Variants in IL1RAPL1 observed in about 807,000 individuals in gnomAD.
The protein encoded by IL1RAPL1 is interleukin 1 receptor accessory protein like 1, also known as interleukin-1 receptor accessory protein-like 1.
Under a neutral mutation model 48.4 loss-of-function variants are expected in IL1RAPL1, and 3 were observed. The ratio of observed to expected loss-of-function variants is 0.06; its 90% CI spans 0.03 to 0.16. The LOEUF (loss-of-function observed/expected upper bound fraction) is 0.16, where lower values mean the gene tolerates loss of function less well. IL1RAPL1 is among the 10% of genes least tolerant of loss of function. The probability of loss-of-function intolerance (pLI) is 1.00; values close to 1 mark genes in which losing one functional copy is unlikely to be tolerated. For synonymous variants in IL1RAPL1, 185 were observed against 187.7 expected, an observed-to-expected ratio of 0.99 and a Z score of 0.12; for missense variants, 349 against 530.6, an observed-to-expected ratio of 0.66 and a Z score of 3.36.
intron 6 of IL1RAPL1, among the ~76,000 whole-genome samples, chrX:29,793,993 G>A (rs1344817900): frequency 8.9e-6 from 1 of 112,140 alleles, no homozygotes; most frequent in South Asian, 3.7e-4. Context: ...GTCTGTGTGT[G>A]TGTATTTTGA....
At chrX:29,605,120 AC>A (rs1569125200) in intron 5 of IL1RAPL1, among the ~76,000 whole-genome samples, 357 of 93,171 alleles carry the variant, frequency 3.8e-3, no homozygotes, top group African/African-American at 0.014. Flanking sequence ...ACACACACAC[AC>A]ACACACGGAG....
At chrX:29,462,520 C>T (rs1375115887) in intron 5 of IL1RAPL1, among the ~76,000 whole-genome samples, 1 of 111,389 alleles carries the variant, frequency 9.0e-6, no homozygotes, top group Non-Finnish European at 1.9e-5. Context: ...ATTATTCCTC[C>T]TGTTTGTAGA....
At chrX:28,730,507 A>G (rs1408869142) in intron 1 of IL1RAPL1, among the ~76,000 whole-genome samples, 1 of 111,963 alleles carries the variant, frequency 8.9e-6, no homozygotes, top group Non-Finnish European at 1.9e-5. Flanking sequence ...CAATAAATGT[A>G]TGCTGAAAAA....
At chrX:28,830,404 C>A (rs919817198) in intron 2 of IL1RAPL1, among the ~76,000 whole-genome samples, 1 of 111,669 alleles carries the variant, frequency 9.0e-6, no homozygotes, top group African/African-American at 3.3e-5. Context: ...ATTCTTTCTT[C>A]TTCCAGCTCA....
intron 2 of IL1RAPL1, among the ~76,000 whole-genome samples, chrX:28,814,570 G>T (rs888142931): frequency 1.8e-5 from 2 of 110,105 alleles, no homozygotes; most frequent in African/African-American, 6.6e-5. Context: ...GAATATTCAT[G>T]TTTAAGGTGG....
At position 28,710,528 on chromosome X, in the gene IL1RAPL1, G is replaced by A. The variant is rs761979723; in HGVS notation, c.-24-78792G>A. On this transcript the variant is annotated intron_variant, in intron 1 of 10. Coordinates refer to ENST00000378993, the MANE Select transcript of IL1RAPL1 (RefSeq NM_014271.4). ...TGTTCAAAGAACACCAAGAAAAATG[G>A]TATGGCTGGTGTGGGAGAAGTGAGG... 1.5e-4 allele frequency among the ~76,000 whole-genome samples: 17 copies of A among 110,165 alleles called. No homozygotes were observed. In the South Asian group the frequency reaches 6.0e-3, roughly 39 times the overall value.
chrX:28,862,309 A>G (rs1469492723), intron 2 of IL1RAPL1, among the ~76,000 whole-genome samples: 4 of 111,948 alleles, frequency 3.6e-5, no homozygotes, highest in Non-Finnish European at 7.5e-5. Context: ...GAAGTCTTTT[A>G]CTGTACTAGT....
chrX:29,337,640 A>G (rs765648104), intron 3 of IL1RAPL1, among the ~76,000 whole-genome samples: 1 of 111,730 alleles, frequency 9.0e-6, no homozygotes, highest in South Asian at 3.8e-4. Context: ...ATAAGATACT[A>G]TACACAAAGG....
At position 29,399,821 on chromosome X, in the gene IL1RAPL1, G is replaced by GA. The variant is rs113185068; in HGVS notation, c.703+528dup. Among the ~76,000 whole-genome samples, 87 of 73,677 alleles carry GA rather than the reference G, an allele frequency of 1.2e-3. No homozygotes were observed. The East Asian group carries it at 0.012, about 10-fold the overall frequency. The allele number at this position is 73,677 out of a possible 115,157, so 64.0% of individuals were successfully genotyped here. A position where few individuals can be genotyped will look rare whatever the true frequency, so the allele number is the denominator to read the frequency against. On this transcript the variant is annotated intron_variant, in intron 5 of 10. Coordinates refer to ENST00000378993, the MANE Select transcript of IL1RAPL1 (RefSeq NM_014271.4). ...GGGACAAGAGCAAGACGAAGTCTCA[G>GA]AAAAAAAAAAAAAAAGAAATGTTAG...
chrX:29,643,826 T>G (rs1435088548), intron 5 of IL1RAPL1, among the ~76,000 whole-genome samples: 1 of 111,935 alleles, frequency 8.9e-6, no homozygotes, highest in Non-Finnish European at 1.9e-5. Flanking sequence ...GCCTTACTTA[T>G]GGAGGCATTG....
chrX:29,103,018 G>A (rs1928375805), intron 2 of IL1RAPL1, among the ~76,000 whole-genome samples: 1 of 112,074 alleles, frequency 8.9e-6, no homozygotes, highest in African/African-American at 3.2e-5. Flanking sequence ...TGGATTGGAA[G>A]AATCAATATT....
chrX:28,917,622 C>A (rs1370319058), intron 2 of IL1RAPL1, among the ~76,000 whole-genome samples: 1 of 111,925 alleles, frequency 8.9e-6, no homozygotes, highest in Non-Finnish European at 1.9e-5. Context: ...AAGGTTGAGG[C>A]AATACCTGTT....
intron 6 of IL1RAPL1, among the ~76,000 whole-genome samples, chrX:29,773,403 A>G (rs983854612): frequency 1.4e-4 from 16 of 112,366 alleles, no homozygotes; most frequent in African/African-American, 5.2e-4. Context: ...CTTTGAGTTT[A>G]TATAGTGAGG....
At chrX:29,075,164 TAGTTATCTG>T (rs1189812443) in intron 2 of IL1RAPL1, among the ~76,000 whole-genome samples, 1 of 111,907 alleles carries the variant, frequency 8.9e-6, no homozygotes, top group Non-Finnish European at 1.9e-5. Context: ...TTACATTCTG[TAGTTATCTG>T]AACTGCTTGC....
intron 3 of IL1RAPL1, among the ~76,000 whole-genome samples, chrX:29,339,075 T>TACACACACACACACACAC (rs758487838): frequency 2.3e-4 from 21 of 92,320 alleles, no homozygotes; most frequent in African/African-American, 8.1e-4. Flanking sequence ...GCTGGGTAAA[T>TACACACACACACACACAC]ACACACACAC....
chrX:29,272,434 G>C (rs1214265435), intron 2 of IL1RAPL1, among the ~76,000 whole-genome samples: 1 of 111,449 alleles, frequency 9.0e-6, no homozygotes, highest in Non-Finnish European at 1.9e-5. Flanking sequence ...GGCTGGATAT[G>C]AGATTCTTTG....
At chrX:28,589,005 T>A (rs1033564315) in intron 1 of IL1RAPL1, among the ~76,000 whole-genome samples, 2 of 111,935 alleles carry the variant, frequency 1.8e-5, no homozygotes, top group African/African-American at 6.5e-5. Context: ...GGTAAAAAGT[T>A]AGAGACTAGA....
At chrX:28,606,103 A>G (rs1015959268) in intron 1 of IL1RAPL1, among the ~76,000 whole-genome samples, 10 of 111,717 alleles carry the variant, frequency 9.0e-5, no homozygotes, top group Non-Finnish European at 3.8e-5. Flanking sequence ...TATTATTCTT[A>G]TTGATTATTG....
intron 5 of IL1RAPL1, among the ~76,000 whole-genome samples, chrX:29,417,871 A>C (rs779565179): frequency 1.4e-4 from 15 of 108,885 alleles, no homozygotes; most frequent in Non-Finnish European, 2.5e-4. Context: ...TTTATTCACC[A>C]AATCTTGAAG....
Sources: allele counts gnomAD v4.1 joint callset (sites outside exome capture counted in the v4.1 genomes callset), GRCh38; gene constraint gnomAD v4.1.1; transcripts MANE v1.5; gene names NCBI Gene and HGNC (gene_info 2026-07-23, HGNC 2026-07-21).